The following GRK7 variants were observed in gnomAD, a reference collection of about 807,000 sequenced individuals.
GRK7 encodes the protein rhodopsin kinase GRK7.
Under a neutral mutation model 34.1 loss-of-function variants are expected in GRK7, and 24 were observed. That is an observed-to-expected ratio of 0.70 (90% confidence interval 0.51 to 0.99). The LOEUF is 0.99. GRK7 is among the 50% of genes least tolerant of loss of function. The probability of loss-of-function intolerance (pLI) is 0.00; values close to 1 mark genes in which losing one functional copy is unlikely to be tolerated. For synonymous variants in GRK7, 256 were observed against 279.4 expected, an observed-to-expected ratio of 0.92 and a Z score of 0.84; for missense variants, 644 against 707.3, an observed-to-expected ratio of 0.91 and a Z score of 1.02.
At chr3:141,782,315 G>A (rs576919382) in intron 4 of GRK7, among the ~76,000 whole-genome samples, 34 of 152,156 alleles carry the variant, frequency 2.2e-4, no homozygotes, top group Non-Finnish European at 4.6e-4. Context: ...CTTTTGGAAA[G>A]AGATCTGATG....
At chr3:141,754,141 T>C in the GRK7 span, among the ~76,000 whole-genome samples, 1 of 152,214 alleles carries the variant, frequency 6.6e-6, no homozygotes, top group Non-Finnish European at 1.5e-5. Flanking sequence ...AGAAAACTGC[T>C]GCTGCTTAAA....
In GRK7 at chr3:141,787,581, C is replaced by T. The variant is rs938849917; in HGVS notation, c.1050+6770C>T. On this transcript the variant is annotated intron_variant, in intron 4 of 5. Transcript: ENST00000682958. ...AGAAGGTTGCAGTGAGCCAAGATTG[C>T]GCCACTGCACTCCAGCCTGGGCAAC... Among the ~76,000 whole-genome samples, 17 of 147,196 alleles carry T rather than the reference C, an allele frequency of 1.2e-4. 1 individual carries two copies. The highest frequency in any genetic ancestry group is 6.5e-4 in the South Asian group (3 of 4,626).
rs1418804209 is a variant in GRK7, at chr3:141,778,783, G to A, written c.499G>A (p.Val167Met). 3.7e-6 allele frequency: 6 copies of A among 1,607,442 alleles called. No individual in the cohort carries two copies. The highest frequency in any genetic ancestry group is 1.7e-4 in the Middle Eastern group (1 of 6,044). ...GCAAGAGCAGCCCTTTAAGGATTTC[G>A]TGACCAGCGCCTTCTACGACAAGTT... ...FLQEQPFKDFVTSAFYDKFLQ... is the reference protein window; with the variant it reads ...FLQEQPFKDFMTSAFYDKFLQ... The change falls in exon 3 of 6, where the codon GTG becomes ATG. Residue 167 changes from valine (V) to methionine (M), a missense_variant. Coordinates refer to ENST00000682958, the MANE Select transcript of GRK7 (RefSeq NM_139209.3). This position sits in a 1 kb window ranked among gnomAD's most constrained non-coding sequence, Gnocchi z 4.1.
the GRK7 span, among the ~76,000 whole-genome samples, chr3:141,754,835 G>T: frequency 1.3e-5 from 2 of 152,046 alleles, no homozygotes; most frequent in African/African-American, 4.8e-5. Flanking sequence ...CTTAGAATTG[G>T]AATCTTAGAG....
chr3:141,794,563 C>G (rs1251731502), intron 4 of GRK7, among the ~76,000 whole-genome samples: 1 of 152,196 alleles, frequency 6.6e-6, no homozygotes, highest in Non-Finnish European at 1.5e-5. Flanking sequence ...TTTGGGTGAT[C>G]GTCTCTGATC....
At position 141,807,988 on chromosome 3, in the gene GRK7, T is replaced by C. The variant is rs180894394; in HGVS notation, c.1325+69T>C. 1.4e-4 allele frequency: 194 copies of C among 1,374,204 alleles called. No homozygotes were observed. The East Asian group carries it at 4.4e-3, about 31-fold the overall frequency. The allele number at this position is 1,374,204 out of a possible 1,614,324, so 85.1% of individuals were successfully genotyped here. On this transcript the variant is annotated intron_variant, in intron 5 of 5. Transcript: ENST00000682958. ...TCCACAGGGATTAGGAGAATACTTT[T>C]GATTTGTGGCAAAGTCTTGGAATTA...
At chr3:141,771,035 A>G (rs1215940438) in intron 1 of GRK7, among the ~76,000 whole-genome samples, 1 of 151,898 alleles carries the variant, frequency 6.6e-6, no homozygotes, top group Non-Finnish European at 1.5e-5. Flanking sequence ...CAGTATGGAG[A>G]ACTGCCATTT....
At chr3:141,775,302 G>C (rs74908497) in intron 2 of GRK7, among the ~76,000 whole-genome samples, 9,856 of 151,980 alleles carry the variant, frequency 0.065, 345 homozygotes, top group South Asian at 0.11. Flanking sequence ...TGGGAGACTC[G>C]CTTGAGCCCA....
At chr3:141,794,122 G>A (rs1008023290) in intron 4 of GRK7, among the ~76,000 whole-genome samples, 10 of 152,204 alleles carry the variant, frequency 6.6e-5, no homozygotes, top group African/African-American at 2.2e-4. Flanking sequence ...AACCCATCCC[G>A]GGGAGGCAAG....
rs1359050508 is a variant in GRK7, at chr3:141,817,833, AGAC to A, written c.*784_*786del. ...AAACTAATGCCTGATTCCCATCCAT[AGAC>A]ATTCTGATCCCCACTCCCAGGTATG... On this transcript the variant is annotated 3_prime_UTR_variant, in exon 6 of 6. Transcript: ENST00000682958. The A allele has an allele frequency of 6.6e-6, 1 of 152,208 alleles. No individual in the cohort carries two copies. The highest frequency in any genetic ancestry group is 1.5e-5 in the Non-Finnish European group (1 of 68,044). 9.4% of individuals were successfully genotyped at this position (152,208 alleles called of 1,614,324 possible). A position where few individuals can be genotyped will look rare whatever the true frequency, so the allele number is the denominator to read the frequency against.
At chr3:141,768,749 G>A (rs1365281105) in intron 1 of GRK7, among the ~76,000 whole-genome samples, 1 of 151,986 alleles carries the variant, frequency 6.6e-6, no homozygotes, top group East Asian at 1.9e-4. Flanking sequence ...CAGTCAGGCT[G>A]AGAGTCCTAC....
chr3:141,781,867 CTG>C (rs1455761337), intron 4 of GRK7, among the ~76,000 whole-genome samples: 1 of 152,176 alleles, frequency 6.6e-6, no homozygotes, highest in East Asian at 1.9e-4. Context: ...CTCTGAGTCT[CTG>C]TGCACAAAGG....
At chr3:141,805,445 C>T (rs528337398) in intron 4 of GRK7, among the ~76,000 whole-genome samples, 18 of 152,192 alleles carry the variant, frequency 1.2e-4, no homozygotes, top group African/African-American at 1.9e-4. Flanking sequence ...GCCTCAGAGG[C>T]GCCTACAGGA....
Position 141,778,214 on chromosome 3 carries a change from G to T in GRK7, c.-71G>T. On this transcript the variant is annotated 5_prime_UTR_variant, in exon 3 of 6. Coordinates refer to ENST00000682958, the MANE Select transcript of GRK7 (RefSeq NM_139209.3). The surrounding 1 kb of genome is among the most constrained non-coding windows in gnomAD (Gnocchi z 4.1). The stretch of plus-strand genomic sequence containing the variant: ...AAATCCCTTGGACGTTGTCTCACCC[G>T]GGAAGGGAAAGCAGCCAGCAGCCCT... 1 of 1,508,098 alleles carries T rather than the reference G, an allele frequency of 6.6e-7. No individual in the cohort carries two copies. The highest frequency in any genetic ancestry group is 1.3e-5 in the South Asian group (1 of 74,514). The allele number at this position is 1,508,098 out of a possible 1,614,324, so 93.4% of individuals were successfully genotyped here. A position where few individuals can be genotyped will look rare whatever the true frequency, so the allele number is the denominator to read the frequency against.
chr3:141,817,488 G>T lies in GRK7; in HGVS notation c.*438G>T, dbSNP rs1711166634. 6.5e-6 allele frequency: 1 copy of T among 153,226 alleles called. No individual in the cohort carries two copies. Among genetic ancestry groups the T allele is most frequent in the Admixed American group, 6.5e-5 (1 of 15,274 alleles). 9.5% of individuals were successfully genotyped at this position (153,226 alleles called of 1,614,324 possible). ...TCTTCGCTTCTATACTTATAAAAAG[G>T]ATTTTGAAGCTGGAAACAAATGTTT... is the stretch of plus-strand genomic sequence containing the variant. On this transcript the variant is annotated 3_prime_UTR_variant, in exon 6 of 6. Coordinates refer to ENST00000682958, the MANE Select transcript of GRK7 (RefSeq NM_139209.3).
At chr3:141,762,432 T>TC (rs1399647609), upstream of GRK7, among the ~76,000 whole-genome samples, 3 of 146,790 alleles carry the variant, frequency 2.0e-5, no homozygotes, top group African/African-American at 7.5e-5. Context: ...TGCTCGGGGG[T>TC]CAGGGGTCAG....
intron 4 of GRK7, among the ~76,000 whole-genome samples, chr3:141,790,888 T>A (rs528241927): frequency 1.3e-5 from 2 of 152,298 alleles, no homozygotes; most frequent in African/African-American, 4.8e-5. Flanking sequence ...ATAAATGTGA[T>A]AAGCACTTCT....
At chr3:141,808,218 G>A (rs1711056315) in intron 5 of GRK7, among the ~76,000 whole-genome samples, 1 of 152,122 alleles carries the variant, frequency 6.6e-6, no homozygotes, top group South Asian at 2.1e-4. Flanking sequence ...GAATTTATAG[G>A]ATTGGTTATG....
chr3:141,783,267 T>C (rs2084680236), intron 4 of GRK7, among the ~76,000 whole-genome samples: 1 of 152,012 alleles, frequency 6.6e-6, no homozygotes, highest in Non-Finnish European at 1.5e-5. Context: ...CAAATGACAT[T>C]CTTGAAAATT....
Sources: allele counts gnomAD v4.1 joint callset (sites outside exome capture counted in the v4.1 genomes callset), GRCh38; gene constraint gnomAD v4.1.1; non-coding constraint Gnocchi (gnomAD v3.1); transcripts MANE v1.5; gene names NCBI Gene and HGNC (gene_info 2026-07-23, HGNC 2026-07-21).